The following LRP6 variants were observed in gnomAD, a reference collection of about 807,000 sequenced individuals.
The protein encoded by LRP6 is low-density lipoprotein receptor-related protein 6.
LRP6 carries 43 observed loss-of-function variants against 184.1 expected under a neutral mutation model. The observed-to-expected ratio is 0.23, with a 90% CI of 0.18 to 0.30. The LOEUF (loss-of-function observed/expected upper bound fraction) is 0.30. Ranked by LOEUF, LRP6 falls within the 10% of genes least tolerant of loss-of-function variation. The pLI is 1.00. For missense variants in LRP6, 1,571 were observed against 2,005.3 expected, an observed-to-expected ratio of 0.78 and a Z score of 4.14; for synonymous variants, 719 against 684.9, an observed-to-expected ratio of 1.05 and a Z score of -0.78.
At chr12:12,206,494 G>A (rs77055557) in intron 2 of LRP6, among the ~76,000 whole-genome samples, 2,932 of 149,170 alleles carry the variant, frequency 0.02, 98 homozygotes, top group African/African-American at 0.064. Flanking sequence ...AGTGAGCGGA[G>A]ATAGCGCCAC....
intron 3 of LRP6, among the ~76,000 whole-genome samples, chr12:12,202,799 G>A (rs913503353): frequency 6.6e-6 from 1 of 152,164 alleles, no homozygotes; most frequent in African/African-American, 2.4e-5. Flanking sequence ...TTGTTGTACT[G>A]ATGCCCAGCA....
In LRP6 at chr12:12,241,693, C is replaced by A. The variant is rs545539365; in HGVS notation, c.449+2569G>T. Among the ~76,000 whole-genome samples the A allele has an allele frequency of 2.0e-5, 3 of 152,234 alleles. No homozygotes were observed. The South Asian group carries it at 6.2e-4, about 32-fold the overall frequency. On this transcript the variant is annotated intron_variant, in intron 2 of 22. Transcript: ENST00000261349. The stretch of plus-strand genomic sequence containing the variant: ...TGCCTCCCACATTAACCACACACAT[C>A]AAAAATAATACAAAATATTTCACTG...
At chr12:12,162,860 C>A (rs964795793) in intron 9 of LRP6, among the ~76,000 whole-genome samples, 1 of 152,258 alleles carries the variant, frequency 6.6e-6, no homozygotes, top group Admixed American at 6.5e-5. Flanking sequence ...TCCCATAACA[C>A]TTTTAAAAAT....
At chr12:12,155,542 G>C in intron 12 of LRP6, 3 of 741,628 alleles carry the variant, frequency 4.0e-6, no homozygotes, top group Admixed American at 1.9e-5. Flanking sequence ...TGCATATTCA[G>C]CACGTTAAGC....
At chr12:12,141,987 T>C (rs1051819721) in intron 15 of LRP6, among the ~76,000 whole-genome samples, 1 of 152,168 alleles carries the variant, frequency 6.6e-6, no homozygotes, top group African/African-American at 2.4e-5. Flanking sequence ...TTTGGCGACA[T>C]ATGGTTTAAG....
chr12:12,190,539 C>A (rs966780355), intron 3 of LRP6, among the ~76,000 whole-genome samples: 4 of 152,224 alleles, frequency 2.6e-5, no homozygotes, highest in Non-Finnish European at 5.9e-5. Flanking sequence ...ACCTCCCAGG[C>A]ACCTCTTGCT....
In LRP6 at chr12:12,162,433, T is replaced by C. The variant is rs1386534004; in HGVS notation, c.2053-14A>G. On this transcript the variant is annotated splice_polypyrimidine_tract_variant and intron_variant, in intron 9 of 22. Coordinates refer to ENST00000261349, the MANE Select transcript of LRP6 (RefSeq NM_002336.3). Reference sequence around the variant, plus strand: ...TCTGCTGATGGTCTGCAAAAGAACATTAACAACTAAGTCATATGGCATAAG... The same window carrying C: ...TCTGCTGATGGTCTGCAAAAGAACACTAACAACTAAGTCATATGGCATAAG... 1 of 1,598,880 alleles carries C rather than the reference T, an allele frequency of 6.3e-7. No individual in the cohort carries two copies. Among genetic ancestry groups the C allele is most frequent in the East Asian group, 2.2e-5 (1 of 44,806 alleles).
chr12:12,199,986 A>C (rs1355009448), intron 3 of LRP6, among the ~76,000 whole-genome samples: 10 of 150,190 alleles, frequency 6.7e-5, no homozygotes, highest in East Asian at 3.9e-4. Flanking sequence ...AAAAAAAAAA[A>C]AAAAAAAAAC....
chr12:12,266,376 G>A (rs572284910), intron 1 of LRP6, among the ~76,000 whole-genome samples: 1 of 152,238 alleles, frequency 6.6e-6, no homozygotes, highest in African/African-American at 2.4e-5. Context: ...GCAGAGAGAG[G>A]CACACAGACA....
chr12:12,241,200 T>A (rs1274160317), intron 2 of LRP6, among the ~76,000 whole-genome samples: 1 of 152,188 alleles, frequency 6.6e-6, no homozygotes, highest in African/African-American at 2.4e-5. Flanking sequence ...TCAGCTCTTG[T>A]GAACCTCATA....
At position 12,162,264 on chromosome 12, in the gene LRP6, C is replaced by T; in HGVS notation, c.2208G>A (p.Gly736=). The part of the protein sequence containing the change: ...TNRIEVSKLD[G]QHRQVLVWKD... ...TCCACACCAAAACTTGTCGGTGCTG[C>T]CCATCCAACTTTGACACCTCAATTC... The change falls in exon 10 of 23, where the codon GGG becomes GGA. Residue 736 remains glycine, a synonymous_variant. Transcript: ENST00000261349. 3 of 1,614,176 alleles carry T rather than the reference C, an allele frequency of 1.9e-6. No individual in the cohort carries two copies. The highest frequency in any genetic ancestry group is 8.5e-7 in the Non-Finnish European group (1 of 1,180,020).
chr12:12,207,572 G>A (rs1021464335), intron 2 of LRP6, among the ~76,000 whole-genome samples: 2 of 151,954 alleles, frequency 1.3e-5, no homozygotes, highest in Non-Finnish European at 2.9e-5. Context: ...CAGGCATCAC[G>A]AGGGCCATTA....
chr12:12,139,989 G>A (rs146737075), intron 15 of LRP6, among the ~76,000 whole-genome samples: 1 of 152,152 alleles, frequency 6.6e-6, no homozygotes, highest in South Asian at 2.1e-4. Flanking sequence ...GGCTGGGGCT[G>A]AAAGAGGAGT....
At chr12:12,186,657 A>AC (rs1259065545) in intron 4 of LRP6, 5 of 376,728 alleles carry the variant, frequency 1.3e-5, no homozygotes, top group Non-Finnish European at 2.3e-5. Context: ...TGGGATTTTA[A>AC]CTTTTTTTTT....
rs1414509265 is a variant in LRP6, at chr12:12,131,211, C to T, written c.3971-318G>A. 3.3e-5 allele frequency among the ~76,000 whole-genome samples: 5 copies of T among 150,250 alleles called. No homozygotes were observed. In the East Asian group the frequency reaches 6.0e-4, roughly 18 times the overall value. ...CAAGCTCTGCTTCCCAGGTTCACGC[C>T]ATTCTCCTGCCTCAGCCTCCCAAGT... On this transcript the variant is annotated intron_variant, in intron 18 of 22. Transcript: ENST00000261349.
chr12:12,125,491 C>T, intron 20 of LRP6, 59 bp from the exon 21 acceptor site: 1 of 1,439,110 alleles, frequency 6.9e-7, no homozygotes, highest in Non-Finnish European at 9.7e-7. Context: ...ATGTATCAAG[C>T]AATTTCATTC....
Position 12,116,858 on chromosome 12 carries a change from C to G in LRP6, c.*4268G>C, listed in dbSNP as rs1001396727. Reference sequence around the variant, plus strand: ...AGGGTAGAGTCAGTAACTGATTAACCTAAGACTCCACCTTCCACTCCACTC... The same window carrying G: ...AGGGTAGAGTCAGTAACTGATTAACGTAAGACTCCACCTTCCACTCCACTC... On this transcript the variant is annotated 3_prime_UTR_variant, in exon 23 of 23. Coordinates refer to ENST00000261349, the MANE Select transcript of LRP6 (RefSeq NM_002336.3). 1 of 152,056 alleles carries G rather than the reference C, an allele frequency of 6.6e-6. No homozygotes were observed. The highest frequency in any genetic ancestry group is 1.5e-5 in the Non-Finnish European group (1 of 68,024). 9.4% of individuals were successfully genotyped at this position (152,056 alleles called of 1,614,324 possible).
rs376819464 is a variant in LRP6, at chr12:12,261,872, T to C, written c.55+4809A>G. ...ATACAAGATGCAAAACATTAGTGGT[T>C]TGTTCCAACAATATTTACCAGCCCA... On this transcript the variant is annotated intron_variant, in intron 1 of 22. Transcript: ENST00000261349. 2.0e-5 allele frequency among the ~76,000 whole-genome samples: 3 copies of C among 152,340 alleles called. No homozygotes were observed. In the East Asian group the frequency reaches 5.8e-4, roughly 29 times the overall value.
At chr12:12,189,395 T>C (rs11054723) in intron 3 of LRP6, among the ~76,000 whole-genome samples, 217 of 152,250 alleles carry the variant, frequency 1.4e-3, no homozygotes, top group Non-Finnish European at 2.6e-3. Context: ...TTTTAACATT[T>C]CTGATATAAG....
Sources: gnomAD v4.1 joint callset for allele counts (sites outside exome capture counted in the v4.1 genomes callset) on GRCh38, gnomAD v4.1.1 for gene constraint, MANE v1.5 for transcripts, NCBI Gene and HGNC (gene_info 2026-07-23, HGNC 2026-07-21) for gene names.